GPSM1: variants seen among roughly 807,000 people sequenced by gnomAD.
GPSM1 encodes the protein G protein-signaling modulator 1.
Under a neutral mutation model 70.5 loss-of-function variants are expected in GPSM1, and 48 were observed. That is an observed-to-expected ratio of 0.68 (90% CI 0.54 to 0.87). GPSM1 has a LOEUF of 0.87. Ranked by LOEUF, GPSM1 falls within the 40% of genes least tolerant of loss-of-function variation. The pLI, the probability that GPSM1 is intolerant of heterozygous loss-of-function variation, is 0.00. For synonymous variants in GPSM1, 416 were observed against 430.1 expected, an observed-to-expected ratio of 0.97 and a Z score of 0.41; for missense variants, 981 against 972.6, an observed-to-expected ratio of 1.01 and a Z score of -0.11.
At position 136,342,114 on chromosome 9, in the gene GPSM1, C is replaced by A. The variant is rs1832405717; in HGVS notation, c.1207+1121C>A. Among the ~76,000 whole-genome samples, 1 of 151,638 alleles carries A rather than the reference C, an allele frequency of 6.6e-6. No homozygotes were observed. Among genetic ancestry groups the A allele is most frequent in the Non-Finnish European group, 1.5e-5 (1 of 67,906 alleles). ...TGGGACAAGGTGCTGTGACCGATGG[C>A]AGTGGGTGGGTAGGGGATGGGCTGG... On this transcript the variant is annotated intron_variant, in intron 9 of 13. Coordinates refer to ENST00000440944, the MANE Select transcript of GPSM1 (RefSeq NM_001145638.3). This position sits in a 1 kb window ranked among gnomAD's most constrained non-coding sequence, Gnocchi z 5.5.
At position 136,337,443 on chromosome 9, in the gene GPSM1, G is replaced by A. The variant is rs1554769439; in HGVS notation, c.581G>A (p.Arg194Lys). The change falls in exon 5 of 14, where the codon AGG becomes AAG. Residue 194 changes from arginine (R) to lysine (K), a missense_variant and splice_region_variant. Arg to Lys is a conservative substitution (Grantham distance 26). Transcript: ENST00000440944. ...TLCKASEFYE[R>K]NLSLVKELGD... ...GCTCAGAGGCACTCGGCCCCCAGGA[G>A]GAACCTGTCCCTGGTGAAGGAGCTG... 1 of 1,569,912 alleles carries A rather than the reference G, an allele frequency of 6.4e-7. No individual in the cohort carries two copies.
In GPSM1 at chr9:136,334,625, G is replaced by A. The variant is rs781945702; in HGVS notation, c.247G>A (p.Gly83Ser). Residue 83 changes from glycine to serine, a missense_variant, in exon 2 of 14, where the codon GGC becomes AGC. By Grantham distance (56) the Gly-to-Ser change is moderately conservative. Transcript: ENST00000440944. ...GNAYFYLKEHGRALEYHKHDL... is the reference protein window; with the variant it reads ...GNAYFYLKEHSRALEYHKHDL... Reference sequence around the variant, plus strand: ...CGCCTACTTCTACCTGAAGGAGCACGGCCGGGCGCTGGAATACCACAAGCA... The same window carrying A: ...CGCCTACTTCTACCTGAAGGAGCACAGCCGGGCGCTGGAATACCACAAGCA... The A allele has an allele frequency of 3.0e-5, 48 of 1,612,694 alleles. No individual in the cohort carries two copies. The South Asian group carries it at 3.8e-4, about 13-fold the overall frequency.
chr9:136,338,302 G>A (rs1554769623), intron 6 of GPSM1, among the ~76,000 whole-genome samples: 1 of 152,232 alleles, frequency 6.6e-6, no homozygotes, highest in African/African-American at 2.4e-5. Flanking sequence ...GCAGTCTCAG[G>A]TCCTCCGGGG....
chr9:136,355,001 G>C, intron 11 of GPSM1: 1 of 1,088,282 alleles, frequency 9.2e-7, no homozygotes, highest in Non-Finnish European at 1.1e-6. Flanking sequence ...GAGAAGTCCG[G>C]GGCAGTCGGC....
Position 136,358,229 on chromosome 9 carries a change from G to T in GPSM1, c.*9G>T. 1 of 1,538,172 alleles carries T rather than the reference G, an allele frequency of 6.5e-7. No individual in the cohort carries two copies. The highest frequency in any genetic ancestry group is 1.2e-5 in the South Asian group (1 of 84,796). On this transcript the variant is annotated 3_prime_UTR_variant, in exon 14 of 14. Transcript: ENST00000440944. ...AGCCTGGTGCGAGCTAAGGCCCTGT[G>T]CCCACCGCCAGGCCCACCCTGCCCC...
chr9:136,328,484 C>A (rs1296642809), intron 1 of GPSM1, among the ~76,000 whole-genome samples: 1 of 152,204 alleles, frequency 6.6e-6, no homozygotes, highest in Admixed American at 6.5e-5. Context: ...GGGTGGCAGC[C>A]GTCAGAGGCA....
chr9:136,349,867 C>G (rs1330759554), intron 11 of GPSM1, 104 bp downstream of exon 11: 3 of 1,146,468 alleles, frequency 2.6e-6, no homozygotes, highest in Non-Finnish European at 2.4e-6. Flanking sequence ...CCCGGGCACT[C>G]CGGGGAGGCA....
In GPSM1 at chr9:136,358,599, G is replaced by C. The variant is rs1832911403; in HGVS notation, c.*379G>C. On this transcript the variant is annotated 3_prime_UTR_variant, in exon 14 of 14. Coordinates refer to ENST00000440944, the MANE Select transcript of GPSM1 (RefSeq NM_001145638.3). Reference sequence around the variant, plus strand: ...CCACCCTCCCCAAAGGTGTCTCTGAGCCGCCTCTTGGGGCCACCAAGGACA... The same window carrying C: ...CCACCCTCCCCAAAGGTGTCTCTGACCCGCCTCTTGGGGCCACCAAGGACA... 2.9e-6 allele frequency: 1 copy of C among 348,674 alleles called. No homozygotes were observed. Among genetic ancestry groups the C allele is most frequent in the Admixed American group, 5.1e-5 (1 of 19,500 alleles). The allele number at this position is 348,674 out of a possible 1,614,324, so 21.6% of individuals were successfully genotyped here.
rs1588698186 is a variant in GPSM1, at chr9:136,342,810, G to T, written c.1207+1817G>T. On this transcript the variant is annotated intron_variant, in intron 9 of 13. Coordinates refer to ENST00000440944, the MANE Select transcript of GPSM1 (RefSeq NM_001145638.3). The surrounding 1 kb of genome is among the most constrained non-coding windows in gnomAD (Gnocchi z 5.5). Reference sequence around the variant, plus strand: ...GCTAGAGCCTGGCCGTGCGGAGGGGGCGCCAGGGCTGGGGGCACAGGAGGG... The same window carrying T: ...GCTAGAGCCTGGCCGTGCGGAGGGGTCGCCAGGGCTGGGGGCACAGGAGGG... Among the ~76,000 whole-genome samples, 1 of 152,106 alleles carries T rather than the reference G, an allele frequency of 6.6e-6. No homozygotes were observed. The highest frequency in any genetic ancestry group is 1.9e-4 in the East Asian group (1 of 5,150).
At chr9:136,333,398 G>T (rs1335752345) in intron 1 of GPSM1, among the ~76,000 whole-genome samples, 1 of 152,242 alleles carries the variant, frequency 6.6e-6, no homozygotes, top group African/African-American at 2.4e-5. Flanking sequence ...GGGAGGTGCG[G>T]AGCCGGGCAG....
In GPSM1 at chr9:136,343,952, T is replaced by TA. The variant is rs1432109000; in HGVS notation, c.1207+2960dup. Among the ~76,000 whole-genome samples the TA allele has an allele frequency of 2.6e-5, 4 of 152,082 alleles. No individual in the cohort carries two copies. The highest frequency in any genetic ancestry group is 4.4e-5 in the Non-Finnish European group (3 of 68,000). On this transcript the variant is annotated intron_variant, in intron 9 of 13. Transcript: ENST00000440944. The surrounding 1 kb of genome is among the most constrained non-coding windows in gnomAD (Gnocchi z 6.0). ...CACACAGGGTCCCGCACGCAGCAGA[T>TA]ACACAGTAAATGCCTGCTGCTTGGT... is the stretch of plus-strand genomic sequence containing the variant.
chr9:136,336,187 C>A (rs1446608858), intron 3 of GPSM1, 86 bp downstream of exon 3: 4 of 1,430,560 alleles, frequency 2.8e-6, no homozygotes, highest in South Asian at 1.3e-5. Context: ...GGGTGACTCA[C>A]CACTCATCCA....
chr9:136,347,358 C>T (rs1832547419), intron 9 of GPSM1, among the ~76,000 whole-genome samples: 1 of 151,324 alleles, frequency 6.6e-6, no homozygotes, highest in South Asian at 2.1e-4. Context: ...GGGCACAGCC[C>T]GTGTCCAGTG....
At chr9:136,330,238 C>A (rs781818422) in intron 1 of GPSM1, among the ~76,000 whole-genome samples, 2 of 151,966 alleles carry the variant, frequency 1.3e-5, no homozygotes, top group Non-Finnish European at 2.9e-5. Context: ...CAGAGCCACC[C>A]ACCTTGGGGT....
At chr9:136,328,336 C>T (rs573188403) in intron 1 of GPSM1, among the ~76,000 whole-genome samples, 5 of 152,302 alleles carry the variant, frequency 3.3e-5, no homozygotes, top group African/African-American at 1.2e-4. Flanking sequence ...GGCATGCCTG[C>T]CTGGTGACTC....
At chr9:136,351,287 G>A (rs1272709734) in intron 11 of GPSM1, among the ~76,000 whole-genome samples, 1 of 152,160 alleles carries the variant, frequency 6.6e-6, no homozygotes, top group African/African-American at 2.4e-5. Flanking sequence ...GGGCACCCAG[G>A]GAGCACCTGG....
intron 7 of GPSM1, 53 bp from the exon 8 acceptor site, chr9:136,339,654 C>T: frequency 7.9e-7 from 1 of 1,262,798 alleles, no homozygotes; most frequent in Non-Finnish European, 1.1e-6. Flanking sequence ...GGGGCTGGGG[C>T]TGGGGGCTGG....
chr9:136,330,895 G>A (rs28453782), intron 1 of GPSM1, among the ~76,000 whole-genome samples: 1 of 151,582 alleles, frequency 6.6e-6, no homozygotes, highest in Non-Finnish European at 1.5e-5. Flanking sequence ...GTCCTGCCCC[G>A]CCTTTGGCCA....
Position 136,340,156 on chromosome 9 carries a change from C to T in GPSM1, c.1083+341C>T, listed in dbSNP as rs1449605198. ...GTGGGCCTCCCGGCTCCCGGCCTGTCCTTACATCACCCACTCCCACGCCAC... is the reference window on the plus strand; with the variant it reads ...GTGGGCCTCCCGGCTCCCGGCCTGTTCTTACATCACCCACTCCCACGCCAC... On this transcript the variant is annotated intron_variant, in intron 8 of 13. Coordinates refer to ENST00000440944, the MANE Select transcript of GPSM1 (RefSeq NM_001145638.3). The surrounding 1 kb of genome is among the most constrained non-coding windows in gnomAD (Gnocchi z 7.3). Among the ~76,000 whole-genome samples, 3 of 152,210 alleles carry T rather than the reference C, an allele frequency of 2.0e-5. No homozygotes were observed. Among genetic ancestry groups the T allele is most frequent in the Non-Finnish European group, 4.4e-5 (3 of 68,028 alleles).
Sources: gnomAD v4.1 joint callset for allele counts (sites outside exome capture counted in the v4.1 genomes callset) on GRCh38, gnomAD v4.1.1 for gene constraint, Gnocchi (gnomAD v3.1) non-coding constraint, MANE v1.5 for transcripts, NCBI Gene and HGNC (gene_info 2026-07-23, HGNC 2026-07-21) for gene names.